RAPGEF6: variants seen among roughly 807,000 people sequenced by gnomAD.
RAPGEF6 encodes PDZ domain containing guanine nucleotide exchange factor (GEF) 2.
RAPGEF6 carries 56 observed loss-of-function variants against 171.4 expected under a neutral mutation model. The observed-to-expected ratio is 0.33, with a 90% CI of 0.26 to 0.41. The LOEUF is 0.41. Among genes scored for constraint, RAPGEF6 ranks in the 10% least tolerant of loss-of-function variants. The pLI, the probability that RAPGEF6 is intolerant of heterozygous loss-of-function variation, is 1.00. For missense variants in RAPGEF6, 1,674 were observed against 1,921.4 expected (o/e 0.87, Z 2.41); for synonymous variants, 692 against 650.1 (o/e 1.06, Z -0.98).
chr5:131,538,868 ACTCAATAC>A, intron 6 of RAPGEF6, among the ~76,000 whole-genome samples: 1 of 152,228 alleles, frequency 6.6e-6, no homozygotes, highest in South Asian at 2.1e-4. Context: ...CTATTTGTGG[ACTCAATAC>A]CTTCTAACTA....
At chr5:131,495,794 A>AT in intron 12 of RAPGEF6, 134 bp from the exon 13 acceptor site, 1 of 1,320,068 alleles carries the variant, frequency 7.6e-7, no homozygotes, top group Non-Finnish European at 1.0e-6. Flanking sequence ...AAAAAGGCTC[A>AT]TTCTAACAGA....
intron 8 of RAPGEF6, 24 bp from the exon 9 acceptor site, chr5:131,508,231 T>C: frequency 1.3e-6 from 2 of 1,595,576 alleles, no homozygotes; most frequent in Non-Finnish European, 1.7e-6. Flanking sequence ...GAAATTCTGG[T>C]ATAAAGACCA....
chr5:131,604,854 G>T (rs548240753), intron 1 of RAPGEF6, among the ~76,000 whole-genome samples, 161 bp from the exon 2 acceptor site: 144 of 152,302 alleles, frequency 9.5e-4, no homozygotes, highest in African/African-American at 3.4e-3. Context: ...TGAAAAGGCA[G>T]AGAAGAGATC....
chr5:131,528,604 C>A (rs1272294337), intron 6 of RAPGEF6, among the ~76,000 whole-genome samples: 1 of 151,752 alleles, frequency 6.6e-6, no homozygotes, highest in Non-Finnish European at 1.5e-5. Context: ...GTAATCTCCC[C>A]ACTTTAATAT....
Position 131,475,299 on chromosome 5 carries a change from G to T in RAPGEF6, c.2082-2555C>A, listed in dbSNP as rs149151967. ...TAATTGTATCATTCTTACCAAAACA[G>T]TCTCCTGAGAAGGTGATGCAGTAAC... On this transcript the variant is annotated intron_variant, in intron 16 of 27. Transcript: ENST00000509018. Among the ~76,000 whole-genome samples the T allele has an allele frequency of 1.4e-3, 210 of 152,252 alleles. 1 individual carries two copies. Among genetic ancestry groups the T allele is most frequent in the Admixed American group, 0.012 (184 of 15,296 alleles).
intron 4 of RAPGEF6, among the ~76,000 whole-genome samples, chr5:131,570,544 C>T (rs1033749081): frequency 6.6e-6 from 1 of 151,970 alleles, no homozygotes; most frequent in African/African-American, 2.4e-5. Context: ...CAAATTAAAA[C>T]TAAAATTTTC....
At chr5:131,442,258 G>A in intron 23 of RAPGEF6, 91 bp downstream of exon 23, 1 of 1,267,378 alleles carries the variant, frequency 7.9e-7, no homozygotes. Flanking sequence ...ACCTACAACA[G>A]CTTATCTCCT....
chr5:131,504,874 G>A, intron 10 of RAPGEF6, 96 bp from the exon 11 acceptor site: 1 of 1,157,428 alleles, frequency 8.6e-7, no homozygotes, highest in Non-Finnish European at 1.2e-6. Flanking sequence ...AAATCTAGCG[G>A]CATTAGTTCT....
At chr5:131,564,884 T>C (rs535535727) in intron 4 of RAPGEF6, among the ~76,000 whole-genome samples, 8 of 152,208 alleles carry the variant, frequency 5.3e-5, no homozygotes, top group Non-Finnish European at 1.0e-4. Flanking sequence ...TTATCAGTAA[T>C]GTTAAAATTG....
chr5:131,594,518 C>G (rs1315044646), intron 3 of RAPGEF6, among the ~76,000 whole-genome samples: 1 of 152,228 alleles, frequency 6.6e-6, no homozygotes, highest in Non-Finnish European at 1.5e-5. Flanking sequence ...AGCCCCCACA[C>G]AGAGTCCCCA....
chr5:131,483,221 T>A (rs1755612965), intron 15 of RAPGEF6, among the ~76,000 whole-genome samples: 1 of 151,788 alleles, frequency 6.6e-6, no homozygotes. Context: ...CGGTGGCGCA[T>A]GCCTGTAATC....
chr5:131,434,451 C>A (rs1348871078), intron 24 of RAPGEF6, among the ~76,000 whole-genome samples: 1 of 152,172 alleles, frequency 6.6e-6, no homozygotes, highest in East Asian at 1.9e-4. Context: ...GTTGCCGAGG[C>A]TGGTCTTCAA....
At chr5:131,623,398 C>G (rs942842695) in intron 1 of RAPGEF6, among the ~76,000 whole-genome samples, 1 of 151,260 alleles carries the variant, frequency 6.6e-6, no homozygotes, top group Non-Finnish European at 1.5e-5. Flanking sequence ...TTCATCAAGC[C>G]TTTTTATCTG....
chr5:131,431,360 A>G lies in RAPGEF6; in HGVS notation c.3975-11T>C, dbSNP rs762876954. The G allele has an allele frequency of 2.5e-6, 4 of 1,578,526 alleles. No individual in the cohort carries two copies. In the South Asian group the frequency reaches 4.6e-5, roughly 18 times the overall value. On this transcript the variant is annotated splice_polypyrimidine_tract_variant and intron_variant, in intron 25 of 27. Coordinates refer to ENST00000509018, the MANE Select transcript of RAPGEF6 (RefSeq NM_016340.6). ...TTCAAGAGTGTCCACCTAAAATTGGAGATAACGTACAATTAGAAGGCTTGC... is the reference window on the plus strand; with the variant it reads ...TTCAAGAGTGTCCACCTAAAATTGGGGATAACGTACAATTAGAAGGCTTGC...
chr5:131,429,730 T>A (rs1751580965), intron 26 of RAPGEF6, among the ~76,000 whole-genome samples: 1 of 152,274 alleles, frequency 6.6e-6, no homozygotes, highest in Admixed American at 6.5e-5. Context: ...ACTTTAACTT[T>A]GCTGGTACGG....
At chr5:131,516,041 A>C (rs1758048758) in intron 7 of RAPGEF6, among the ~76,000 whole-genome samples, 1 of 122,310 alleles carries the variant, frequency 8.2e-6, no homozygotes, top group Non-Finnish European at 1.7e-5. Context: ...GACTCAGATG[A>C]TATCCTTTTT....
chr5:131,554,746 A>C (rs1277070485), intron 5 of RAPGEF6, among the ~76,000 whole-genome samples: 1 of 152,092 alleles, frequency 6.6e-6, no homozygotes, highest in East Asian at 1.9e-4. Flanking sequence ...CGCACTCCTG[A>C]TCTCAGGTGA....
intron 4 of RAPGEF6, among the ~76,000 whole-genome samples, chr5:131,573,679 A>C (rs1762440598): frequency 6.6e-6 from 1 of 152,076 alleles, no homozygotes; most frequent in Non-Finnish European, 1.5e-5. Flanking sequence ...AAGATTACAC[A>C]GTCTCCTGCC....
intron 1 of RAPGEF6, among the ~76,000 whole-genome samples, chr5:131,610,012 C>T (rs760428111): frequency 3.9e-5 from 6 of 152,128 alleles, no homozygotes; most frequent in African/African-American, 7.2e-5. Context: ...CCTCACAGAA[C>T]GCTGTAATAA....
Sources: allele counts gnomAD v4.1 joint callset (sites outside exome capture counted in the v4.1 genomes callset), GRCh38; gene constraint gnomAD v4.1.1; transcripts MANE v1.5; gene names NCBI Gene and HGNC (gene_info 2026-07-23, HGNC 2026-07-21).